DPP10: variants seen among roughly 807,000 people sequenced by gnomAD.
DPP10 encodes dipeptidyl peptidase like 10, also known as inactive dipeptidyl peptidase 10.
DPP10 carries 33 observed loss-of-function variants against 120.9 expected under a neutral mutation model. That is an observed-to-expected ratio of 0.27 (90% confidence interval 0.21 to 0.37). The LOEUF is 0.37. Ranked by LOEUF, DPP10 falls within the 10% of genes least tolerant of loss-of-function variation. The pLI is 1.00. For missense variants in DPP10, 816 were observed against 942.8 expected, an observed-to-expected ratio of 0.87 and a Z score of 1.76; for synonymous variants, 337 against 326.1, an observed-to-expected ratio of 1.03 and a Z score of -0.36.
Position 115,621,676 on chromosome 2 carries a change from GGTTTGTTT to G in DPP10, c.442-67997_442-67990del, listed in dbSNP as rs555350156. Among the ~76,000 whole-genome samples, 22 of 152,016 alleles carry G rather than the reference GGTTTGTTT, an allele frequency of 1.4e-4. No individual in the cohort carries two copies. The East Asian group carries it at 3.5e-3, about 24-fold the overall frequency. Reference sequence around the variant, plus strand: ...ATTAAAAAAAATTCTATGTATTTTTGGTTTGTTTGTTTGTTTGTTTGAGAGGGAGTTTC... The same window carrying G: ...ATTAAAAAAAATTCTATGTATTTTTGGTTTGTTTGTTTGAGAGGGAGTTTC... On this transcript the variant is annotated intron_variant, in intron 5 of 25. Transcript: ENST00000410059.
intron 1 of DPP10, among the ~76,000 whole-genome samples, chr2:114,818,852 C>A (rs1051072210): frequency 3.3e-5 from 5 of 152,072 alleles, no homozygotes. Context: ...CCCATCATTA[C>A]GCCAATGCCA....
intron 1 of DPP10, among the ~76,000 whole-genome samples, chr2:114,882,874 A>G (rs1691760292): frequency 6.6e-6 from 1 of 152,226 alleles, no homozygotes; most frequent in Admixed American, 6.5e-5. Context: ...CAAATCTTAT[A>G]TGAAGGATGC....
intron 1 of DPP10, among the ~76,000 whole-genome samples, chr2:115,147,554 T>C (rs991913880): frequency 2.6e-5 from 4 of 152,144 alleles, no homozygotes; most frequent in Non-Finnish European, 2.9e-5. Context: ...TGATTCACAT[T>C]ATACTTTCAA....
intron 1 of DPP10, among the ~76,000 whole-genome samples, chr2:115,113,782 T>C (rs760286836): frequency 3.3e-4 from 51 of 152,290 alleles, no homozygotes; most frequent in Non-Finnish European, 5.9e-4. Flanking sequence ...ACAAGAGCGG[T>C]GTATTAAGAT....
chr2:115,360,527 C>T (rs1434205145), intron 3 of DPP10, among the ~76,000 whole-genome samples: 1 of 152,174 alleles, frequency 6.6e-6, no homozygotes, highest in African/African-American at 2.4e-5. Context: ...TCTTATTCAA[C>T]TGTGTGCCTT....
chr2:115,298,144 G>T (rs1368044782), intron 1 of DPP10, among the ~76,000 whole-genome samples: 2 of 152,050 alleles, frequency 1.3e-5, no homozygotes, highest in African/African-American at 4.8e-5. Flanking sequence ...TTTACTAGGT[G>T]TTATGGATAC....
At chr2:115,639,932 AT>A (rs201658068) in intron 5 of DPP10, among the ~76,000 whole-genome samples, 7 of 150,338 alleles carry the variant, frequency 4.7e-5, no homozygotes, top group South Asian at 2.1e-4. Context: ...TATATAAGTG[AT>A]TTTTTTTTAA....
At chr2:114,808,097 A>G (rs1002785613) in intron 1 of DPP10, among the ~76,000 whole-genome samples, 1 of 152,188 alleles carries the variant, frequency 6.6e-6, no homozygotes, top group Non-Finnish European at 1.5e-5. Flanking sequence ...CCTTTTATGA[A>G]CACACGTCCT....
At chr2:115,309,087 G>A (rs1265105955) in intron 1 of DPP10, 152 bp from the exon 2 acceptor site, 7 of 624,824 alleles carry the variant, frequency 1.1e-5, no homozygotes, top group African/African-American at 1.9e-5. Context: ...TATAATATGT[G>A]CACTTTTGAA....
intron 7 of DPP10, among the ~76,000 whole-genome samples, chr2:115,714,102 CAG>C (rs1339857788): frequency 2.6e-5 from 4 of 152,182 alleles, no homozygotes; most frequent in African/African-American, 9.7e-5. Context: ...AAGTATCACA[CAG>C]AACCACACCC....
chr2:114,685,505 A>G (rs1699305518), intron 1 of DPP10, among the ~76,000 whole-genome samples: 1 of 151,954 alleles, frequency 6.6e-6, no homozygotes, highest in Non-Finnish European at 1.5e-5. Context: ...GCCTGAGACA[A>G]TTTTCCGGAA....
In DPP10 at chr2:115,780,692, T is replaced by A. The variant is rs147059251; in HGVS notation, c.1362-182T>A. 3.7e-3 allele frequency among the ~76,000 whole-genome samples: 558 copies of A among 151,954 alleles called. 3 individuals carry two copies. Among genetic ancestry groups the A allele is most frequent in the African/African-American group, 0.013 (537 of 41,544 alleles). ...TTTAATAGATTAAGAAAAATGTGTA[T>A]GTTTTAACATTACTAATAGAAGGTG... On this transcript the variant is annotated intron_variant, in intron 15 of 25. Coordinates refer to ENST00000410059, the MANE Select transcript of DPP10 (RefSeq NM_020868.6).
intron 1 of DPP10, among the ~76,000 whole-genome samples, chr2:115,003,475 A>G (rs962284285): frequency 3.6e-4 from 55 of 152,236 alleles, no homozygotes; most frequent in African/African-American, 1.2e-3. Flanking sequence ...CATGCAGTTT[A>G]CCTATAGAAC....
chr2:114,971,162 C>T (rs558756693), intron 1 of DPP10, among the ~76,000 whole-genome samples: 4 of 152,214 alleles, frequency 2.6e-5, no homozygotes, highest in South Asian at 4.1e-4. Context: ...GAGCTTAGGG[C>T]GGTCTTGCAA....
intron 1 of DPP10, among the ~76,000 whole-genome samples, chr2:115,211,955 G>A (rs2056542476): frequency 6.6e-6 from 1 of 152,210 alleles, no homozygotes; most frequent in African/African-American, 2.4e-5. Context: ...CAAAAGACAG[G>A]TCAACACCCT....
intron 1 of DPP10, among the ~76,000 whole-genome samples, chr2:115,095,251 G>T (rs1326631988): frequency 1.3e-5 from 2 of 152,192 alleles, no homozygotes; most frequent in Admixed American, 1.3e-4. Context: ...CATGTCTGGA[G>T]CCCCTAGGGA....
At chr2:115,179,931 ATTTC>A (rs1231857159) in intron 1 of DPP10, among the ~76,000 whole-genome samples, 4 of 152,202 alleles carry the variant, frequency 2.6e-5, no homozygotes, top group Non-Finnish European at 5.9e-5. Flanking sequence ...AAAACAAGTT[ATTTC>A]TTTTAAGATT....
intron 4 of DPP10, among the ~76,000 whole-genome samples, chr2:115,512,292 G>A (rs371191709): frequency 6.6e-6 from 1 of 151,816 alleles, no homozygotes; most frequent in Non-Finnish European, 1.5e-5. Context: ...GTTAGATTGT[G>A]TCATACTATT....
At position 114,530,993 on chromosome 2, in the gene DPP10, C is replaced by T. The variant is rs545113997; in HGVS notation, c.60+88155C>T. The stretch of plus-strand genomic sequence containing the variant: ...AAAAAACATGACTTAATTAAAATCT[C>T]ATTACAGGAACTCTCTTCAATCAAT... On this transcript the variant is annotated intron_variant, in intron 1 of 25. Coordinates refer to ENST00000410059, the MANE Select transcript of DPP10 (RefSeq NM_020868.6). Among the ~76,000 whole-genome samples, 6 of 152,114 alleles carry T rather than the reference C, an allele frequency of 3.9e-5. No homozygotes were observed. In the South Asian group the frequency reaches 1.0e-3, roughly 26 times the overall value.
Sources: gnomAD v4.1 joint callset for allele counts (sites outside exome capture counted in the v4.1 genomes callset) on GRCh38, gnomAD v4.1.1 for gene constraint, MANE v1.5 for transcripts, NCBI Gene and HGNC (gene_info 2026-07-23, HGNC 2026-07-21) for gene names.